NTRK2: variants seen among roughly 807,000 people sequenced by gnomAD.
The protein encoded by NTRK2 is BDNF/NT-3 growth factors receptor.
A neutral mutation model predicts 94.5 loss-of-function variants in NTRK2; 13 were observed. The observed-to-expected ratio is 0.14, with a 90% CI of 0.09 to 0.22. The LOEUF (loss-of-function observed/expected upper bound fraction) is 0.22. Among genes scored for constraint, NTRK2 ranks in the 10% least tolerant of loss-of-function variants. The pLI is 1.00. For missense variants in NTRK2, 639 were observed against 1,071.2 expected (o/e 0.60, Z 5.63); for synonymous variants, 372 against 407.4 (o/e 0.91, Z 1.05).
intron 17 of NTRK2, among the ~76,000 whole-genome samples, chr9:84,987,081 G>GA (rs371918394): frequency 6.6e-6 from 1 of 152,144 alleles, no homozygotes; most frequent in African/African-American, 2.4e-5. Flanking sequence ...CTTTTGATTT[G>GA]AAAAAACAAG....
At chr9:84,809,285 G>A (rs2071474448) in intron 12 of NTRK2, among the ~76,000 whole-genome samples, 1 of 151,996 alleles carries the variant, frequency 6.6e-6, no homozygotes, top group Non-Finnish European at 1.5e-5. Context: ...TGAAGTATTT[G>A]AGGTCAAGGA....
chr9:84,797,683 CTATAATATATATATTATA>C (rs1441773105), intron 12 of NTRK2, among the ~76,000 whole-genome samples: 1 of 68,252 alleles, frequency 1.5e-5, no homozygotes, highest in African/African-American at 6.5e-5. Context: ...ATTATATATA[CTATAATATATATATTATA>C]TATACTATAA....
intron 12 of NTRK2, among the ~76,000 whole-genome samples, chr9:84,820,344 A>G (rs1271088603): frequency 6.6e-6 from 1 of 151,596 alleles, no homozygotes; most frequent in African/African-American, 2.4e-5. Context: ...TAATTTTTGT[A>G]TTTGTAAGAG....
intron 14 of NTRK2, among the ~76,000 whole-genome samples, chr9:84,888,608 T>C (rs575373460): frequency 4.9e-5 from 2 of 40,508 alleles, no homozygotes; most frequent in Non-Finnish European, 8.0e-5. Flanking sequence ...CAACACTCCA[T>C]CTCAAAAAAA....
intron 12 of NTRK2, among the ~76,000 whole-genome samples, chr9:84,780,937 G>C (rs929579917): frequency 6.6e-6 from 1 of 151,958 alleles, no homozygotes; most frequent in Non-Finnish European, 1.5e-5. Context: ...GGAAGTAAAA[G>C]AAAAAAGGTA....
rs2132305073 is a variant in NTRK2, at chr9:84,741,894, G to A, written c.1162G>A (p.Ala388Thr). ...FMGWPGIDDG[A>T]NPNYPDVIYE... The stretch of plus-strand genomic sequence containing the variant: ...CTTTGCTCTGTTTTGCCTTTTAGGT[G>A]CAAACCCAAATTATCCTGATGTAAT... Residue 388 changes from alanine to threonine, a missense_variant and splice_region_variant, in exon 10 of 19, where the codon GCA (alanine) becomes ACA (threonine). Physicochemically the swap from Ala to Thr is moderately conservative, Grantham distance 58 (BLOSUM62 0). Around this residue, in one of 5 missense-constraint regions of NTRK2, gnomAD observed 343 missense variants for 571.5 expected, o/e 0.60. Coordinates refer to ENST00000277120, the MANE Select transcript of NTRK2 (RefSeq NM_006180.6). 1 of 1,612,812 alleles carries A rather than the reference G, an allele frequency of 6.2e-7. No individual in the cohort carries two copies. Among genetic ancestry groups the A allele is most frequent in the Non-Finnish European group, 8.5e-7 (1 of 1,179,474 alleles).
chr9:84,892,728 C>T (rs758696533), intron 14 of NTRK2, among the ~76,000 whole-genome samples: 3 of 152,208 alleles, frequency 2.0e-5, no homozygotes, highest in Non-Finnish European at 4.4e-5. Flanking sequence ...CAGGACCAGC[C>T]TGGCCAACAT....
rs72739916 is a variant in NTRK2 at position 84,873,622 on chromosome 9, G to C, written c.1633+6191G>C. On this transcript the variant is annotated intron_variant, in intron 14 of 18. Coordinates refer to ENST00000277120, the MANE Select transcript of NTRK2 (RefSeq NM_006180.6). ...GCAACTTGAGTTTCTTAAAAGAAAG[G>C]AAATGAATACATGCTGCATAATTAC... The C allele has an allele frequency of 1.8e-5, 19 of 1,053,486 alleles. No homozygotes were observed. The African/African-American group carries it at 3.0e-4, about 17-fold the overall frequency. 65.3% of individuals were successfully genotyped at this position (1,053,486 alleles called of 1,614,324 possible).
chr9:84,965,766 T>C (rs1428411472), intron 17 of NTRK2, among the ~76,000 whole-genome samples: 2 of 152,182 alleles, frequency 1.3e-5, no homozygotes, highest in Non-Finnish European at 2.9e-5. Context: ...AAAATGAAGA[T>C]GCTCTTCAAA....
intron 12 of NTRK2, among the ~76,000 whole-genome samples, chr9:84,781,411 T>TCATAA (rs10649715): frequency 0.085 from 12,966 of 152,182 alleles, 989 homozygotes; most frequent in African/African-American, 0.2. Flanking sequence ...ACTTTTCAGA[T>TCATAA]CATAAGTATA....
chr9:84,681,299 C>A (rs917257849), intron 2 of NTRK2, among the ~76,000 whole-genome samples: 2 of 152,130 alleles, frequency 1.3e-5, no homozygotes, highest in Non-Finnish European at 2.9e-5. Flanking sequence ...ATGAATGGCA[C>A]CATTATCCAC....
chr9:84,718,227 G>A (rs1197279507), intron 6 of NTRK2, among the ~76,000 whole-genome samples: 1 of 152,116 alleles, frequency 6.6e-6, no homozygotes, highest in Non-Finnish European at 1.5e-5. Flanking sequence ...TTGAACAATT[G>A]CCCGACACTT....
chr9:84,887,029 G>A (rs2076437019), intron 14 of NTRK2, among the ~76,000 whole-genome samples: 1 of 152,182 alleles, frequency 6.6e-6, no homozygotes, highest in Non-Finnish European at 1.5e-5. Flanking sequence ...AACGCGCTGA[G>A]GGTAAAACAA....
At chr9:85,009,048 G>T (rs1831284260) in intron 17 of NTRK2, among the ~76,000 whole-genome samples, 1 of 152,194 alleles carries the variant, frequency 6.6e-6, no homozygotes, top group Non-Finnish European at 1.5e-5. Context: ...TTGGCAAGTG[G>T]CTGATCTAGA....
intron 15 of NTRK2, among the ~76,000 whole-genome samples, chr9:84,941,528 C>T (rs895629252): frequency 3.3e-5 from 5 of 152,212 alleles, no homozygotes; most frequent in Admixed American, 6.5e-5. Context: ...TCATTTCACA[C>T]TTTTGTATCT....
At chr9:84,725,730 A>G (rs1486803345) in intron 8 of NTRK2, among the ~76,000 whole-genome samples, 1 of 151,032 alleles carries the variant, frequency 6.6e-6, no homozygotes, top group Non-Finnish European at 1.5e-5. Context: ...TTGAATTTTT[A>G]TAGATGAAGT....
chr9:84,673,426 C>T (rs2058825684), intron 2 of NTRK2, among the ~76,000 whole-genome samples: 1 of 152,104 alleles, frequency 6.6e-6, no homozygotes, highest in Admixed American at 6.6e-5. Flanking sequence ...CAGTGGTATT[C>T]CTAAAATAAC....
intron 12 of NTRK2, among the ~76,000 whole-genome samples, chr9:84,809,195 G>T (rs2071461119): frequency 6.6e-6 from 1 of 152,092 alleles, no homozygotes; most frequent in Non-Finnish European, 1.5e-5. Context: ...GCAATGCTAA[G>T]TAGAGAACCT....
At chr9:84,875,311 A>T (rs1332742078) in intron 14 of NTRK2, 1 of 1,059,454 alleles carries the variant, frequency 9.4e-7, no homozygotes, top group Non-Finnish European at 1.1e-6. Context: ...TGCAGGGGTT[A>T]AGAGCGGGGG....
Sources: gnomAD v4.1 joint callset for allele counts (sites outside exome capture counted in the v4.1 genomes callset) on GRCh38, gnomAD v4.1.1 for gene constraint, gnomAD v4.1.1 regional missense constraint, MANE v1.5 for transcripts, NCBI Gene and HGNC (gene_info 2026-07-23, HGNC 2026-07-21) for gene names.